Variants in CAND2 observed in about 807,000 individuals in gnomAD.
CAND2 encodes cullin-associated NEDD8-dissociated protein 2.
In CAND2, 62 loss-of-function variants were observed where a neutral mutation model predicts 98.9. That is an observed-to-expected ratio of 0.63 (90% CI 0.51 to 0.77). CAND2 has a LOEUF of 0.77. CAND2 is among the 30% of genes least tolerant of loss of function. The probability of loss-of-function intolerance (pLI) is 0.00; values close to 1 mark genes in which losing one functional copy is unlikely to be tolerated. For missense variants in CAND2, 1,501 were observed against 1,655.2 expected (o/e 0.91, Z 1.62); for synonymous variants, 770 against 731.9 (o/e 1.05, Z -0.84).
chr3:12,813,072 G>A lies in CAND2; in HGVS notation c.840G>A (p.Gln280=), dbSNP rs374661951. ...DDDELRESCL[Q]AFEAFLRKCP... The stretch of plus-strand genomic sequence containing the variant: ...ATGAGCTCCGGGAGTCCTGCCTCCA[G>A]GCTTTTGAGGCCTTCTTGAGGAAGT... Residue 280 remains glutamine, a synonymous_variant, in exon 6 of 15, where the codon CAG becomes CAA. Transcript: ENST00000456430. 2.0e-5 allele frequency: 31 copies of A among 1,579,628 alleles called. No individual in the cohort carries two copies. In the African/African-American group the frequency reaches 3.2e-4, roughly 16 times the overall value.
At chr3:12,832,445 A>G (rs56287208) in intron 14 of CAND2, 19,758 of 152,216 alleles carry the variant, frequency 0.13, 1,762 homozygotes, top group Non-Finnish European at 0.2. Context: ...GTGCCAGAAC[A>G]TTCTTGCAGT....
At chr3:12,829,453 T>A (rs2062033391) in intron 13 of CAND2, among the ~76,000 whole-genome samples, 2 of 152,242 alleles carry the variant, frequency 1.3e-5, no homozygotes, top group Non-Finnish European at 1.5e-5. Flanking sequence ...GGCCCCATAT[T>A]ACAACTTTAA....
At chr3:12,827,120 T>TG (rs1326464721) in intron 12 of CAND2, among the ~76,000 whole-genome samples, 12 of 152,224 alleles carry the variant, frequency 7.9e-5, no homozygotes, top group Non-Finnish European at 1.5e-4. Context: ...CGTGAACCAC[T>TG]GTGCCTGGCC....
intron 1 of CAND2, among the ~76,000 whole-genome samples, chr3:12,798,161 A>G (rs1026438867): frequency 1.3e-5 from 2 of 152,154 alleles, no homozygotes; most frequent in Non-Finnish European, 2.9e-5. Flanking sequence ...CATGGCAGGC[A>G]CTAGGTCGGT....
At chr3:12,796,866 C>G (rs2061729636) in intron 1 of CAND2, 78 bp downstream of exon 1, 1 of 1,178,630 alleles carries the variant, frequency 8.5e-7, no homozygotes. Context: ...AAGCGCCAGC[C>G]CATCCCCCAT....
chr3:12,801,157 C>G (rs1350806250), intron 1 of CAND2, among the ~76,000 whole-genome samples: 1 of 151,908 alleles, frequency 6.6e-6, no homozygotes, highest in African/African-American at 2.4e-5. Context: ...CCTGCCTCAG[C>G]CTTCCCAGTA....
Position 12,815,570 on chromosome 3 carries a change from G to A in CAND2, c.1299+137G>A. The A allele has an allele frequency of 1.0e-6, 1 of 967,330 alleles. No individual in the cohort carries two copies. The highest frequency in any genetic ancestry group is 1.5e-6 in the Non-Finnish European group (1 of 657,060). The allele number at this position is 967,330 out of a possible 1,614,324, so 59.9% of individuals were successfully genotyped here. On this transcript the variant is annotated intron_variant, in intron 8 of 14. Coordinates refer to ENST00000456430, the MANE Select transcript of CAND2 (RefSeq NM_001162499.2). The surrounding 1 kb of genome is among the most constrained non-coding windows in gnomAD (Gnocchi z 5.7). ...AAGGGAAGGGGTCCCTGGGGTGGGG[G>A]GCGGGAGCCAGCCAGGCTTCTGGAG...
At chr3:12,822,589 G>C (rs961249755) in intron 11 of CAND2, among the ~76,000 whole-genome samples, 11 of 152,104 alleles carry the variant, frequency 7.2e-5, no homozygotes, top group African/African-American at 2.7e-4. Context: ...GTGAGCCCCC[G>C]TGCCCAGCCT....
intron 13 of CAND2, among the ~76,000 whole-genome samples, chr3:12,828,806 G>GT (rs2062026716): frequency 6.6e-6 from 1 of 152,182 alleles, no homozygotes; most frequent in Admixed American, 6.5e-5. Flanking sequence ...TTCTGCCCTT[G>GT]TAAGTGGAAT....
At chr3:12,798,417 G>A (rs990825079) in intron 1 of CAND2, among the ~76,000 whole-genome samples, 1 of 152,096 alleles carries the variant, frequency 6.6e-6, no homozygotes, top group African/African-American at 2.4e-5. Flanking sequence ...CTGGGCCACT[G>A]GGACTATGCA....
rs962531199 is a variant in CAND2, at chr3:12,796,690, C to T, written c.-31C>T. On this transcript the variant is annotated 5_prime_UTR_variant, in exon 1 of 15. Transcript: ENST00000456430. ...GGCGCCCGCGCCGCCATATTCCCTC[C>T]CGCCGGCCGGCTCCGCGGCGCGCAG... The T allele has an allele frequency of 3.8e-6, 6 of 1,559,246 alleles. No homozygotes were observed. The highest frequency in any genetic ancestry group is 1.9e-5 in the Admixed American group (1 of 52,632).
intron 1 of CAND2, 101 bp from the exon 2 acceptor site, chr3:12,803,387 T>C: frequency 8.7e-7 from 1 of 1,148,672 alleles, no homozygotes; most frequent in East Asian, 2.6e-5. Context: ...TGACCTCGAA[T>C]CTTTGTATTA....
Position 12,815,319 on chromosome 3 carries a change from C to T in CAND2, c.1185C>T (p.Asp395=), listed in dbSNP as rs367907914. 6.2e-5 allele frequency: 100 copies of T among 1,614,030 alleles called. No individual in the cohort carries two copies. The African/African-American group carries it at 8.1e-4, about 13-fold the overall frequency. ...FKEREENVKA[D]VFTAYIVLLR... ...AACGCGAGGAGAACGTCAAGGCTGA[C>T]GTCTTCACTGCTTACATCGTGCTGC... Residue 395 remains aspartate, a synonymous_variant, in exon 8 of 15, where the codon GAC becomes GAT. Coordinates refer to ENST00000456430, the MANE Select transcript of CAND2 (RefSeq NM_001162499.2). This position sits in a 1 kb window ranked among gnomAD's most constrained non-coding sequence, Gnocchi z 5.7.
chr3:12,819,536 C>T (rs1002896173), intron 10 of CAND2, among the ~76,000 whole-genome samples: 3 of 151,974 alleles, frequency 2.0e-5, no homozygotes, highest in Non-Finnish European at 2.9e-5. Context: ...TGTGACCGAG[C>T]CTGGAGGTGA....
intron 1 of CAND2, among the ~76,000 whole-genome samples, chr3:12,797,659 G>A (rs2061736171): frequency 1.3e-5 from 2 of 152,148 alleles, no homozygotes; most frequent in South Asian, 2.1e-4. Flanking sequence ...GGCCAGTTCT[G>A]GCCCCTCCAG....
At chr3:12,798,133 A>C (rs963375312) in intron 1 of CAND2, among the ~76,000 whole-genome samples, 1 of 152,070 alleles carries the variant, frequency 6.6e-6, no homozygotes, top group Non-Finnish European at 1.5e-5. Flanking sequence ...AAGATAGTAC[A>C]TGTGAAATGC....
chr3:12,816,265 AG>A, intron 9 of CAND2, 108 bp from the exon 10 acceptor site: 4 of 1,117,022 alleles, frequency 3.6e-6, no homozygotes, highest in Middle Eastern at 4.2e-4. Context: ...AGAAGAGTTT[AG>A]GTGCTTCAGT....
In CAND2 at chr3:12,807,266, A is replaced by G. The variant is rs2061813463; in HGVS notation, c.213-40A>G. 4 of 1,542,064 alleles carry G rather than the reference A, an allele frequency of 2.6e-6. No individual in the cohort carries two copies. The South Asian group carries it at 4.8e-5, about 18-fold the overall frequency. ...AAAGGGGCAGCCTGACTCAGGCTGA[A>G]CCTTGTGCCCTTGGATTCACCTTCC... On this transcript the variant is annotated intron_variant, in intron 2 of 14. Transcript: ENST00000456430.
rs370692762 is a variant in CAND2, at chr3:12,833,931, C to T, written c.3660C>T (p.Ile1220=). The change falls in exon 15 of 15, where the codon ATC becomes ATT. Residue 1220 remains isoleucine, a synonymous_variant. Transcript: ENST00000456430. The part of the protein sequence containing the change: ...NPELAALFES[I]QKDSASAPST... ...AACTTGCTGCCCTCTTTGAAAGCAT[C>T]CAGAAGGATTCCGCTTCAGCCCCCA... is the stretch of plus-strand genomic sequence containing the variant. 2.9e-4 allele frequency: 470 copies of T among 1,614,200 alleles called. 1 individual carries two copies. The African/African-American group carries it at 3.2e-3, about 11-fold the overall frequency.
Sources: gnomAD v4.1 joint callset for allele counts (sites outside exome capture counted in the v4.1 genomes callset) on GRCh38, gnomAD v4.1.1 for gene constraint, Gnocchi (gnomAD v3.1) non-coding constraint, MANE v1.5 for transcripts, NCBI Gene and HGNC (gene_info 2026-07-23, HGNC 2026-07-21) for gene names.